ENTREP2: variants seen among roughly 807,000 people sequenced by gnomAD.
ENTREP2 encodes protein ENTREP2.
At chr15:29,235,912 G>A in the ENTREP2 span, among the ~76,000 whole-genome samples, 62 of 152,090 alleles carry the variant, frequency 4.1e-4, 1 homozygote, top group East Asian at 0.011. Flanking sequence ...GCAGTGAGCC[G>A]AGATTGAGCC....
At chr15:29,375,390 C>T in the ENTREP2 span, 1 of 152,210 alleles carries the variant, frequency 6.6e-6, no homozygotes, top group African/African-American at 2.4e-5. Flanking sequence ...GCTTCCTCTC[C>T]AAATCTCCAG....
At chr15:29,436,791 C>T in the ENTREP2 span, among the ~76,000 whole-genome samples, 1 of 152,190 alleles carries the variant, frequency 6.6e-6, no homozygotes, top group Non-Finnish European at 1.5e-5. Flanking sequence ...CTTCTCCACT[C>T]GTTTAAGTAT....
chr15:29,512,104 C>G, the ENTREP2 span, among the ~76,000 whole-genome samples: 1 of 151,298 alleles, frequency 6.6e-6, no homozygotes, highest in East Asian at 1.9e-4. Context: ...TTATTTTAAA[C>G]AAAAAAAATG....
chr15:29,506,145 CA>C, the ENTREP2 span, among the ~76,000 whole-genome samples: 1 of 151,714 alleles, frequency 6.6e-6, no homozygotes, highest in African/African-American at 2.4e-5. Flanking sequence ...ATCTATCAAG[CA>C]AAAGAAAGGA....
At chr15:29,380,769 T>C in the ENTREP2 span, among the ~76,000 whole-genome samples, 1 of 152,112 alleles carries the variant, frequency 6.6e-6, no homozygotes, top group African/African-American at 2.4e-5. Flanking sequence ...ATAACATATA[T>C]TTTGCTTGTG....
At chr15:29,277,840 A>G in the ENTREP2 span, among the ~76,000 whole-genome samples, 1 of 152,278 alleles carries the variant, frequency 6.6e-6, no homozygotes, top group Non-Finnish European at 1.5e-5. Flanking sequence ...AGCCTAAAGT[A>G]GAGATATATG....
the ENTREP2 span, among the ~76,000 whole-genome samples, chr15:29,119,959 G>A: frequency 0.76 from 115,445 of 152,136 alleles, 44,836 homozygotes; most frequent in Middle Eastern, 0.91. Context: ...TGTATTTAAG[G>A]AAACATCTGA....
chr15:29,564,256 T>C, the ENTREP2 span, among the ~76,000 whole-genome samples: 2 of 152,206 alleles, frequency 1.3e-5, no homozygotes, highest in African/African-American at 4.8e-5. Flanking sequence ...GAAAGATCTC[T>C]TGCCTCTAGT....
At chr15:29,286,001 G>A in the ENTREP2 span, among the ~76,000 whole-genome samples, 16 of 152,278 alleles carry the variant, frequency 1.1e-4, no homozygotes, top group East Asian at 3.1e-3. Flanking sequence ...ATTTATTCAT[G>A]ATTTTTTTTA....
the ENTREP2 span, among the ~76,000 whole-genome samples, chr15:29,410,401 C>T: frequency 6.6e-6 from 1 of 152,000 alleles, no homozygotes; most frequent in African/African-American, 2.4e-5. Context: ...AGGGGCTGCT[C>T]TGGTGGAAGC....
chr15:29,471,161 G>C, the ENTREP2 span, among the ~76,000 whole-genome samples: 1 of 152,286 alleles, frequency 6.6e-6, no homozygotes, highest in African/African-American at 2.4e-5. Flanking sequence ...AAGTGGAGAG[G>C]GTTGTAATGC....
chr15:29,229,415 A>G, the ENTREP2 span, among the ~76,000 whole-genome samples: 2 of 152,092 alleles, frequency 1.3e-5, no homozygotes. Flanking sequence ...TATACCTGAC[A>G]TTATCTTTGC....
chr15:29,184,231 G>C, the ENTREP2 span, among the ~76,000 whole-genome samples: 2 of 152,116 alleles, frequency 1.3e-5, no homozygotes, highest in South Asian at 4.1e-4. Context: ...GCGATCCGCC[G>C]GCCTCGGCCT....
the ENTREP2 span, among the ~76,000 whole-genome samples, chr15:29,658,235 C>T: frequency 6.6e-6 from 1 of 152,068 alleles, no homozygotes; most frequent in African/African-American, 2.4e-5. Context: ...TAAGGGGTTT[C>T]CCCCTTCACT....
the ENTREP2 span, among the ~76,000 whole-genome samples, chr15:29,208,917 AG>A: frequency 6.6e-6 from 1 of 152,238 alleles, no homozygotes; most frequent in African/African-American, 2.4e-5. Context: ...GAAAAAAGCA[AG>A]AAATAAAAGG....
the ENTREP2 span, among the ~76,000 whole-genome samples, chr15:29,405,900 C>G: frequency 6.6e-6 from 1 of 152,200 alleles, no homozygotes; most frequent in Non-Finnish European, 1.5e-5. Context: ...CTGACTTTTC[C>G]CCTTTATTTT....
chr15:29,667,759 G>C, the ENTREP2 span, among the ~76,000 whole-genome samples: 1 of 152,122 alleles, frequency 6.6e-6, no homozygotes, highest in African/African-American at 2.4e-5. Flanking sequence ...GCCTCCCAAA[G>C]TGCTGGGATT....
At chr15:29,259,008 C>A in the ENTREP2 span, among the ~76,000 whole-genome samples, 1 of 152,182 alleles carries the variant, frequency 6.6e-6, no homozygotes, top group Non-Finnish European at 1.5e-5. Flanking sequence ...TGGGCAAGAA[C>A]TTTGAATCAA....
At chr15:29,605,539 T>G in the ENTREP2 span, among the ~76,000 whole-genome samples, 1 of 152,210 alleles carries the variant, frequency 6.6e-6, no homozygotes, top group African/African-American at 2.4e-5. Flanking sequence ...TTATTTTAAA[T>G]AAAATGTGGA....
Sources: allele counts gnomAD v4.1 joint callset (sites outside exome capture counted in the v4.1 genomes callset), GRCh38; gene constraint gnomAD v4.1.1; transcripts MANE v1.5; gene names NCBI Gene and HGNC (gene_info 2026-07-23, HGNC 2026-07-21).